Variants in CYP2W1 observed in about 807,000 individuals in gnomAD.
CYP2W1 encodes the protein cytochrome P450 family 2 subfamily W member 1, also known as cytochrome P450 2W1.
A neutral mutation model predicts 44.9 loss-of-function variants in CYP2W1; 51 were observed. The observed-to-expected ratio is 1.14, with a 90% confidence interval of 0.91 to 1.43. The LOEUF (loss-of-function observed/expected upper bound fraction) is 1.43, where lower values mean the gene tolerates loss of function less well. Among genes scored for constraint, CYP2W1 ranks in the 40% most tolerant of loss-of-function variants. CYP2W1 has a pLI of 0.00. For synonymous variants in CYP2W1, 383 were observed against 338.3 expected (o/e 1.13, Z -1.45); for missense variants, 746 against 700.0 (o/e 1.07, Z -0.74).
Position 987,499 on chromosome 7 carries a change from G to A in CYP2W1, c.1111G>A (p.Asp371Asn), listed in dbSNP as rs778347244. 47 of 1,543,762 alleles carry A rather than the reference G, an allele frequency of 3.0e-5. No homozygotes were observed. The Admixed American group carries it at 4.6e-4, about 15-fold the overall frequency. ...GCACGTGCCCCGCTGCACCGCGGCC[G>A]ACACACAGCTGGGCGGCTTCCTGCT... ...LPHVPRCTAA[D>N]TQLGGFLLPK... Residue 371 changes from aspartate to asparagine, a missense_variant, in exon 7 of 9, where the codon GAC becomes AAC. Physicochemically the swap from Asp to Asn is conservative, Grantham distance 23. Transcript: ENST00000308919.
chr7:987,433 GCC>G lies in CYP2W1; in HGVS notation c.1046_1047del (p.Ala349GlyfsTer47), dbSNP rs749923076. 1.9e-6 allele frequency: 3 copies of G among 1,591,198 alleles called. No homozygotes were observed. Among genetic ancestry groups the G allele is most frequent in the Non-Finnish European group, 2.6e-6 (3 of 1,176,416 alleles). ...CCAGCAGGCTCTGCCCTACACAAGC[GCC>G]GTGCTCCACGAGGTGCAGCGGTTCA... ...EDQQALPYTSAVLHEVQRFIT... is the reference protein window; with the variant it reads ...EDQQALPYTSXVLHEVQRFIT... On this transcript the variant is annotated frameshift_variant, in exon 7 of 9. Coordinates refer to ENST00000308919, the MANE Select transcript of CYP2W1 (RefSeq NM_017781.3). LOFTEE classifies it high-confidence loss of function.
chr7:984,297 C>G, intron 1 of CYP2W1, 115 bp from the exon 2 acceptor site: 1 of 1,371,120 alleles, frequency 7.3e-7, no homozygotes, highest in East Asian at 2.5e-5. Flanking sequence ...CCCCCTCCAC[C>G]TGCCCCCATT....
chr7:987,769 C>T (rs1162969667), intron 7 of CYP2W1, among the ~76,000 whole-genome samples: 2 of 151,460 alleles, frequency 1.3e-5, no homozygotes, highest in Non-Finnish European at 1.5e-5. Context: ...GGGTCCCCTC[C>T]GTGTGTCCTG....
At chr7:986,897 A>C (rs1848397022) in intron 5 of CYP2W1, 100 bp downstream of exon 5, 1 of 1,367,876 alleles carries the variant, frequency 7.3e-7, no homozygotes. Context: ...TCCTGCACCA[A>C]GCTCCCTACC....
rs781688089 is a variant in CYP2W1 at position 988,310 on chromosome 7, C to T, written c.1177C>T (p.Leu393Phe). Residue 393 changes from leucine to phenylalanine, a missense_variant, in exon 8 of 9, where the codon CTC becomes TTC. Physicochemically the swap from Leu to Phe is conservative, Grantham distance 22 (BLOSUM62 0). Coordinates refer to ENST00000308919, the MANE Select transcript of CYP2W1 (RefSeq NM_017781.3). ...CGTGATTCCCCTGCTGACCTCGGTG[C>T]TCCTGGATGAGACACAGTGGCAGAC... ...TPVIPLLTSV[L>F]LDETQWQTPG... 8.1e-6 allele frequency: 13 copies of T among 1,607,072 alleles called. No homozygotes were observed. In the Admixed American group the frequency reaches 2.0e-4, roughly 25 times the overall value.
intron 4 of CYP2W1, among the ~76,000 whole-genome samples, 197 bp downstream of exon 4, chr7:985,520 T>G (rs111856023): frequency 6.6e-6 from 1 of 152,090 alleles, no homozygotes; most frequent in Admixed American, 6.6e-5. Context: ...GCCCCTGTGC[T>G]CTCCAGGAAA....
intron 1 of CYP2W1, 95 bp downstream of exon 1, chr7:983,480 T>G: frequency 8.1e-7 from 1 of 1,240,852 alleles, no homozygotes; most frequent in Non-Finnish European, 1.1e-6. Flanking sequence ...CCACTGCCTG[T>G]TCCCACATGG....
Position 987,176 on chromosome 7 carries a change from G to T in CYP2W1, c.889G>T (p.Gly297Trp), listed in dbSNP as rs376749499. 6.4e-7 allele frequency: 1 copy of T among 1,565,390 alleles called. No individual in the cohort carries two copies. The highest frequency in any genetic ancestry group is 2.4e-5 in the East Asian group (1 of 41,754). The part of the protein sequence containing the change: ...VACTLDMVMA[G>W]TETTSATLQW... The stretch of plus-strand genomic sequence containing the variant: ...CTGCACCCTGGACATGGTCATGGCC[G>T]GGACGGAGACGACCTCGGCCACGCT... The change falls in exon 6 of 9, where the codon GGG becomes TGG. Residue 297 changes from glycine to tryptophan, a missense_variant. By Grantham distance (184) the Gly-to-Trp change is radical. Coordinates refer to ENST00000308919, the MANE Select transcript of CYP2W1 (RefSeq NM_017781.3).
intron 4 of CYP2W1, 112 bp downstream of exon 4, chr7:985,435 C>G: frequency 8.1e-7 from 1 of 1,236,358 alleles, no homozygotes; most frequent in Non-Finnish European, 1.1e-6. Context: ...GCCCTCCCAC[C>G]TTGCAAAAGG....
Sources: allele counts gnomAD v4.1 joint callset (sites outside exome capture counted in the v4.1 genomes callset), GRCh38; gene constraint gnomAD v4.1.1; transcripts MANE v1.5; gene names NCBI Gene and HGNC (gene_info 2026-07-23, HGNC 2026-07-21).